The following ANTXRL variants were observed in gnomAD, a reference collection of about 807,000 sequenced individuals.
ANTXRL encodes ANTXR like, also known as anthrax toxin receptor-like.
Under a neutral mutation model 75.4 loss-of-function variants are expected in ANTXRL, and 63 were observed. That is an observed-to-expected ratio of 0.84 (90% CI 0.68 to 1.03). The LOEUF is 1.03. ANTXRL is among the 50% of genes least tolerant of loss of function. ANTXRL has a pLI of 0.00. For missense variants in ANTXRL, 797 were observed against 789.4 expected, an observed-to-expected ratio of 1.01 and a Z score of -0.12; for synonymous variants, 335 against 291.3, an observed-to-expected ratio of 1.15 and a Z score of -1.53.
At position 46,322,111 on chromosome 10, in the gene ANTXRL, G is replaced by C. The variant is rs185611108; in HGVS notation, c.1411-7488G>C. On this transcript the variant is annotated intron_variant, in intron 16 of 16. Transcript: ENST00000620264. ...TTTCTTGGCTATTGTCATTGAATCA[G>C]CTTTCCCACATGGGAAAGCCTTTAC... is the stretch of plus-strand genomic sequence containing the variant. Among the ~76,000 whole-genome samples, 190 of 152,080 alleles carry C rather than the reference G, an allele frequency of 1.2e-3. 2 individuals carry two copies. The highest frequency in any genetic ancestry group is 3.3e-3 in the South Asian group (16 of 4,816).
chr10:46,303,528 C>T (rs1289057655), intron 10 of ANTXRL, among the ~76,000 whole-genome samples: 3 of 152,128 alleles, frequency 2.0e-5, no homozygotes, highest in African/African-American at 7.2e-5. Flanking sequence ...ATCTGAAATT[C>T]TCTAATGAGC....
chr10:46,313,663 AT>A (rs1371404855), intron 16 of ANTXRL, among the ~76,000 whole-genome samples: 8 of 152,256 alleles, frequency 5.3e-5, no homozygotes, highest in African/African-American at 1.9e-4. Context: ...TTTGTAACTT[AT>A]TATGAATGAA....
chr10:46,297,546 A>G (rs4542339), intron 7 of ANTXRL, 72 bp downstream of exon 7: 658,153 of 1,459,828 alleles, frequency 0.45, 142,098 homozygotes, highest in Non-Finnish European at 0.48. Context: ...GTCCCGGGCC[A>G]CCCCAAGGAC....
At chr10:46,294,320 C>G (rs1837236465) in intron 3 of ANTXRL, among the ~76,000 whole-genome samples, 1 of 152,084 alleles carries the variant, frequency 6.6e-6, no homozygotes, top group South Asian at 2.1e-4. Context: ...AGGGTCAAAG[C>G]TGGTGGTGGG....
Position 46,311,539 on chromosome 10 carries a change from ACCACCACCGCCTCCGCCT to A in ANTXRL, c.1212_1229del (p.Pro406_Pro411del). ...CAGAGCAGGAAAAACCACCATCACC[ACCACCACCGCCTCCGCCT>A]CCACCACCTCCACTCCCGCCTCCGC... On this transcript the variant is annotated inframe_deletion, in exon 15 of 17. Coordinates refer to ENST00000620264, the MANE Select transcript of ANTXRL (RefSeq NM_001278688.3). 1 of 1,534,282 alleles carries A rather than the reference ACCACCACCGCCTCCGCCT, an allele frequency of 6.5e-7. No individual in the cohort carries two copies. The highest frequency in any genetic ancestry group is 2.4e-5 in the East Asian group (1 of 40,868).
chr10:46,302,697 A>G, intron 9 of ANTXRL, 25 bp from the exon 10 acceptor site: 1 of 1,506,872 alleles, frequency 6.6e-7, no homozygotes, highest in South Asian at 1.2e-5. Context: ...TTCCTCACTC[A>G]GCCTTTTGAA....
chr10:46,297,213 T>G, intron 5 of ANTXRL, 39 bp from the exon 6 acceptor site: 1 of 1,508,308 alleles, frequency 6.6e-7, no homozygotes, highest in South Asian at 1.2e-5. Flanking sequence ...TCACTCCTGG[T>G]GCCTTTGCTG....
At chr10:46,321,302 C>A (rs1352491814) in intron 16 of ANTXRL, among the ~76,000 whole-genome samples, 1 of 152,122 alleles carries the variant, frequency 6.6e-6, no homozygotes, top group Admixed American at 6.5e-5. Context: ...GGGGAAAAGA[C>A]AAAAACTTAA....
At chr10:46,297,362 C>T in intron 6 of ANTXRL, 34 bp downstream of exon 6, 3 of 1,536,166 alleles carry the variant, frequency 2.0e-6, no homozygotes, top group Non-Finnish European at 2.6e-6. Context: ...GCATTTTGCT[C>T]CATGTATTTT....
At chr10:46,312,858 G>C (rs1205140679) in intron 15 of ANTXRL, among the ~76,000 whole-genome samples, 11 of 151,306 alleles carry the variant, frequency 7.3e-5, no homozygotes, top group Non-Finnish European at 1.3e-4. Flanking sequence ...CCTTCCCCTT[G>C]TGTGCCCCAG....
chr10:46,317,836 C>G (rs1838808691), intron 16 of ANTXRL, among the ~76,000 whole-genome samples: 1 of 152,152 alleles, frequency 6.6e-6, no homozygotes, highest in Admixed American at 6.5e-5. Context: ...GGAAATGTCC[C>G]TTTACCTTAG....
At chr10:46,291,792 C>G (rs1159431288) in intron 1 of ANTXRL, among the ~76,000 whole-genome samples, 1 of 152,296 alleles carries the variant, frequency 6.6e-6, no homozygotes, top group East Asian at 1.9e-4. Flanking sequence ...TGATCAGCCA[C>G]CTGGATGGCA....
chr10:46,286,215 G>A, upstream of ANTXRL: 1 of 152,148 alleles, frequency 6.6e-6, no homozygotes, highest in Non-Finnish European at 1.5e-5. Context: ...AGAGCACAGT[G>A]GAAGTGACAC....
At chr10:46,297,718 C>A in intron 7 of ANTXRL, 113 bp from the exon 8 acceptor site, 5 of 1,022,828 alleles carry the variant, frequency 4.9e-6, no homozygotes, top group Non-Finnish European at 5.8e-6. Context: ...ACATTCAGAG[C>A]CTGACATTCT....
rs1156425286 is a variant in ANTXRL at position 46,287,449 on chromosome 10, C to T, written c.187C>T (p.Arg63Cys). 1.4e-5 allele frequency: 22 copies of T among 1,535,770 alleles called. No individual in the cohort carries two copies. Among genetic ancestry groups the T allele is most frequent in the African/African-American group, 4.1e-5 (3 of 72,984 alleles). Reference protein sequence around the residue: ...HHGPGWRQHWRQGQAGHRCQG... With the variant: ...HHGPGWRQHWCQGQAGHRCQG... ...TGGCCCAGGATGGAGGCAGCACTGG[C>T]GCCAGGGGCAAGCAGGTCACAGATG... The change falls in exon 1 of 17, where the codon CGC (arginine) becomes TGC (cysteine). Residue 63 changes from arginine (R) to cysteine (C), a missense_variant. Coordinates refer to ENST00000620264, the MANE Select transcript of ANTXRL (RefSeq NM_001278688.3).
chr10:46,291,924 G>T (rs1430187162), intron 1 of ANTXRL, 134 bp from the exon 2 acceptor site: 21 of 763,170 alleles, frequency 2.8e-5, no homozygotes, highest in Non-Finnish European at 2.8e-5. Context: ...GCCACTGGGG[G>T]TGTACCCCAG....
chr10:46,328,826 A>T (rs1220506132), intron 16 of ANTXRL, among the ~76,000 whole-genome samples: 1 of 152,064 alleles, frequency 6.6e-6, no homozygotes, highest in East Asian at 1.9e-4. Flanking sequence ...AAGAGATGGG[A>T]AAGCCATTCC....
At chr10:46,300,740 T>A (rs1554960307) in intron 9 of ANTXRL, among the ~76,000 whole-genome samples, 2 of 152,174 alleles carry the variant, frequency 1.3e-5, no homozygotes, top group African/African-American at 4.8e-5. Context: ...TCTGACTCCC[T>A]GCAGCCCAAG....
intron 16 of ANTXRL, among the ~76,000 whole-genome samples, chr10:46,315,685 T>G (rs1838687683): frequency 6.6e-6 from 1 of 152,102 alleles, no homozygotes; most frequent in Non-Finnish European, 1.5e-5. Flanking sequence ...CTCGGGAAGT[T>G]GATGAGCCTG....
Sources: allele counts gnomAD v4.1 joint callset (sites outside exome capture counted in the v4.1 genomes callset), GRCh38; gene constraint gnomAD v4.1.1; transcripts MANE v1.5; gene names NCBI Gene and HGNC (gene_info 2026-07-23, HGNC 2026-07-21).